Variants in WRN observed in about 807,000 individuals in gnomAD.
WRN encodes WRN RecQ like helicase, also known as bifunctional 3'-5' exonuclease/ATP-dependent helicase WRN.
A neutral mutation model predicts 180.7 loss-of-function variants in WRN; 149 were observed. The observed-to-expected ratio is 0.82, with a 90% confidence interval of 0.72 to 0.94. The LOEUF (loss-of-function observed/expected upper bound fraction) is 0.94, where lower values mean the gene tolerates loss of function less well. WRN is among the 40% of genes least tolerant of loss of function. The probability of loss-of-function intolerance (pLI) is 0.00; values close to 1 mark genes in which losing one functional copy is unlikely to be tolerated. For synonymous variants in WRN, 548 were observed against 568.9 expected (o/e 0.96, Z 0.52); for missense variants, 1,661 against 1,700.1 (o/e 0.98, Z 0.40).
At chr8:31,102,621 A>G (rs1800921515) in intron 18 of WRN, among the ~76,000 whole-genome samples, 1 of 152,198 alleles carries the variant, frequency 6.6e-6, no homozygotes, top group South Asian at 2.1e-4. Context: ...ACACAGTAAA[A>G]ATACAGTATA....
At chr8:31,163,744 G>A (rs1203236488) in intron 33 of WRN, among the ~76,000 whole-genome samples, 3 of 151,824 alleles carry the variant, frequency 2.0e-5, no homozygotes, top group Non-Finnish European at 4.4e-5. Flanking sequence ...TTATCCTTCG[G>A]TTAATACACT....
At chr8:31,123,583 G>A (rs1171367425) in intron 21 of WRN, among the ~76,000 whole-genome samples, 1 of 152,072 alleles carries the variant, frequency 6.6e-6, no homozygotes. Context: ...AACTCCTTGA[G>A]AATTATGCAG....
In WRN at chr8:31,175,264, G is replaced by A. The variant is rs376171260; in HGVS notation, c.*2162G>A. On this transcript the variant is annotated 3_prime_UTR_variant, in exon 35 of 35. Transcript: ENST00000298139. ...ACCCTGGCCAACATGGTGAAACCCCGTCTCTACTAAAAATACAAAAATTAG... is the reference window on the plus strand; with the variant it reads ...ACCCTGGCCAACATGGTGAAACCCCATCTCTACTAAAAATACAAAAATTAG... Among the ~76,000 whole-genome samples the A allele has an allele frequency of 2.0e-4, 31 of 152,050 alleles. No homozygotes were observed. Among genetic ancestry groups the A allele is most frequent in the Admixed American group, 7.9e-4 (12 of 15,278 alleles).
chr8:31,116,267 A>G, intron 19 of WRN, 87 bp from the exon 20 acceptor site: 2 of 1,354,688 alleles, frequency 1.5e-6, no homozygotes, highest in South Asian at 2.6e-5. Flanking sequence ...GAAGGTAGAA[A>G]GGAAGAATTA....
At chr8:31,042,170 T>C (rs890899118) in intron 1 of WRN, among the ~76,000 whole-genome samples, 5 of 152,092 alleles carry the variant, frequency 3.3e-5, no homozygotes, top group African/African-American at 1.2e-4. Context: ...ATTGAGATTA[T>C]GGAAGGATTC....
chr8:31,040,143 G>C (rs961709852), intron 1 of WRN, among the ~76,000 whole-genome samples: 17 of 152,192 alleles, frequency 1.1e-4, no homozygotes, highest in African/African-American at 3.6e-4. Flanking sequence ...TGAATCCAAG[G>C]CTTTTGGCAT....
chr8:31,122,920 A>G (rs1801781495), intron 21 of WRN, among the ~76,000 whole-genome samples: 1 of 150,208 alleles, frequency 6.7e-6, no homozygotes, highest in Non-Finnish European at 1.5e-5. Context: ...TAAACAAACA[A>G]AATAAAGCAA....
chr8:31,048,699 C>T (rs1194756097), intron 1 of WRN, among the ~76,000 whole-genome samples: 3 of 152,106 alleles, frequency 2.0e-5, no homozygotes, highest in Non-Finnish European at 2.9e-5. Context: ...GGCTTTTTGA[C>T]TGGAAGCTGC....
At chr8:31,149,313 C>T (rs1232207336) in intron 30 of WRN, among the ~76,000 whole-genome samples, 2 of 151,164 alleles carry the variant, frequency 1.3e-5, no homozygotes, top group South Asian at 2.1e-4. Context: ...AGGAGAATGG[C>T]GTGAACCCGG....
chr8:31,162,883 T>C (rs1322326627), intron 33 of WRN, among the ~76,000 whole-genome samples: 1 of 152,160 alleles, frequency 6.6e-6, no homozygotes. Flanking sequence ...GCAAATATGA[T>C]GATGATGATG....
intron 3 of WRN, among the ~76,000 whole-genome samples, chr8:31,063,542 A>G (rs945887793): frequency 6.6e-6 from 1 of 152,174 alleles, no homozygotes; most frequent in Non-Finnish European, 1.5e-5. Flanking sequence ...GTTTTTTTCC[A>G]AAAGGATTTT....
Position 31,090,871 on chromosome 8 carries a change from T to C in WRN, c.1758T>C (p.Val586=), listed in dbSNP as rs1344045028. 6.2e-7 allele frequency: 1 copy of C among 1,612,914 alleles called. No individual in the cohort carries two copies. ...GKSLCFQYPP[V]YVGKIGLVIS... ...GTTTGTGCTTCCAGTATCCACCTGT[T>C]TATGTAGGCAAGATTGGCCTTGTTA... is the stretch of plus-strand genomic sequence containing the variant. The change falls in exon 15 of 35, where the codon GTT becomes GTC. Residue 586 remains valine (V), a synonymous_variant. Coordinates refer to ENST00000298139, the MANE Select transcript of WRN (RefSeq NM_000553.6).
Position 31,122,737 on chromosome 8 carries a change from A to G in WRN, c.2631-1785A>G, listed in dbSNP as rs532241136. Reference sequence around the variant, plus strand: ...AAATATTTATTTATTTGCCGTTAAGAGTTGTAGTTTTGTTTTCTCAAATTT... The same window carrying G: ...AAATATTTATTTATTTGCCGTTAAGGGTTGTAGTTTTGTTTTCTCAAATTT... On this transcript the variant is annotated intron_variant, in intron 21 of 34. Transcript: ENST00000298139. Among the ~76,000 whole-genome samples, 42 of 151,746 alleles carry G rather than the reference A, an allele frequency of 2.8e-4. 1 individual carries two copies. The South Asian group carries it at 8.5e-3, about 31-fold the overall frequency.
intron 19 of WRN, among the ~76,000 whole-genome samples, chr8:31,115,699 G>A (rs1801491279): frequency 6.6e-6 from 1 of 152,026 alleles, no homozygotes; most frequent in Non-Finnish European, 1.5e-5. Flanking sequence ...ATATTTTTAG[G>A]CGTTAAGTAA....
intron 1 of WRN, among the ~76,000 whole-genome samples, chr8:31,055,740 A>T (rs1812248461): frequency 1.3e-5 from 2 of 152,272 alleles, no homozygotes. Context: ...TTTGCTGTGC[A>T]GAAGCTAAAA....
At chr8:31,052,787 C>G (rs1430775716) in intron 1 of WRN, among the ~76,000 whole-genome samples, 1 of 152,078 alleles carries the variant, frequency 6.6e-6, no homozygotes, top group African/African-American at 2.4e-5. Context: ...ATTATTTAGT[C>G]ATAATTTATT....
chr8:31,171,098 A>G (rs1219081802), intron 34 of WRN: 1 of 152,180 alleles, frequency 6.6e-6, no homozygotes, highest in Non-Finnish European at 1.5e-5. Flanking sequence ...AACACGCATA[A>G]TAAGGTCATA....
rs76288746 is a variant in WRN at position 31,108,194 on chromosome 8, A to G, written c.2089-3421A>G. ...ACTTAAAGAATACATTTTGTGAGTT[A>G]AGAACTAAATGACAGTATAATTTAT... is the stretch of plus-strand genomic sequence containing the variant. On this transcript the variant is annotated intron_variant, in intron 18 of 34. Transcript: ENST00000298139. 9.1e-3 allele frequency among the ~76,000 whole-genome samples: 1,384 copies of G among 152,354 alleles called. 22 individuals carry two copies. Among genetic ancestry groups the G allele is most frequent in the African/African-American group, 0.031 (1,274 of 41,574 alleles).
chr8:31,091,091 A>C (rs1813732774), intron 15 of WRN, 149 bp downstream of exon 15: 1 of 717,898 alleles, frequency 1.4e-6, no homozygotes, highest in Non-Finnish European at 2.5e-6. Flanking sequence ...ATGACCCTTT[A>C]GTGGAAGAGC....
Sources: allele counts gnomAD v4.1 joint callset (sites outside exome capture counted in the v4.1 genomes callset), GRCh38; gene constraint gnomAD v4.1.1; transcripts MANE v1.5; gene names NCBI Gene and HGNC (gene_info 2026-07-23, HGNC 2026-07-21).